The following PAX2 variants were observed in gnomAD, a reference collection of about 807,000 sequenced individuals.
PAX2 encodes paired box protein Pax-2.
PAX2 carries 9 observed loss-of-function variants against 41.7 expected under a neutral mutation model. That is an observed-to-expected ratio of 0.22 (90% CI 0.13 to 0.38). The LOEUF is 0.38. PAX2 is among the 10% of genes least tolerant of loss of function. PAX2 has a pLI of 1.00. For synonymous variants in PAX2, 221 were observed against 212.7 expected (o/e 1.04, Z -0.34); for missense variants, 418 against 531.6 (o/e 0.79, Z 2.10).
Position 100,748,600 on chromosome 10 carries a change from C to A in PAX2, c.44-1146C>A. 1.0e-6 allele frequency: 1 copy of A among 985,422 alleles called. No individual in the cohort carries two copies. The highest frequency in any genetic ancestry group is 1.2e-6 in the Non-Finnish European group (1 of 829,924). 61.0% of individuals were successfully genotyped at this position (985,422 alleles called of 1,614,324 possible). A position where few individuals can be genotyped will look rare whatever the true frequency, so the allele number is the denominator to read the frequency against. On this transcript the variant is annotated intron_variant, in intron 1 of 9. Coordinates refer to ENST00000355243, the MANE Select transcript of PAX2 (RefSeq NM_000278.5). This position sits in a 1 kb window ranked among gnomAD's most constrained non-coding sequence, Gnocchi z 5.0. ...TCAGTACCTGCGGCTACGGGTTGATCGCTCTGGGTGCAGGATTTCTAGACT... is the reference window on the plus strand; with the variant it reads ...TCAGTACCTGCGGCTACGGGTTGATAGCTCTGGGTGCAGGATTTCTAGACT...
At chr10:100,781,608 C>G (rs954649936) in intron 5 of PAX2, among the ~76,000 whole-genome samples, 1 of 152,216 alleles carries the variant, frequency 6.6e-6, no homozygotes, top group Non-Finnish European at 1.5e-5. Context: ...CTCACCCTAT[C>G]GATCCCTGTG....
intron 7 of PAX2, among the ~76,000 whole-genome samples, chr10:100,812,023 C>A (rs2133961735): frequency 6.6e-6 from 1 of 152,332 alleles, no homozygotes; most frequent in South Asian, 2.1e-4. Flanking sequence ...AAGGTCAGGA[C>A]TGAGAGGAGA....
rs140247565 is a variant in PAX2 at position 100,751,300 on chromosome 10, C to T, written c.410+409C>T. 2.4e-4 allele frequency among the ~76,000 whole-genome samples: 37 copies of T among 152,312 alleles called. No individual in the cohort carries two copies. The East Asian group carries it at 5.6e-3, about 23-fold the overall frequency. On this transcript the variant is annotated intron_variant, in intron 3 of 9. Transcript: ENST00000355243. ...AGGCTGCTCCTTCCCCAGGGGCCGC[C>T]GCTTGTCCTGGCTCCCTCACCCTCC...
At chr10:100,740,790 G>A (rs1444491390), upstream of PAX2, among the ~76,000 whole-genome samples, 1 of 144,696 alleles carries the variant, frequency 6.9e-6, no homozygotes. Flanking sequence ...AGGTCCATGG[G>A]TATCTAGGGA....
chr10:100,761,191 C>CTT (rs397967287), intron 3 of PAX2, among the ~76,000 whole-genome samples: 8 of 146,334 alleles, frequency 5.5e-5, no homozygotes, highest in Non-Finnish European at 7.6e-5. Context: ...GGTGTGGTAC[C>CTT]TTTTTTTTTT....
chr10:100,827,818 G>T lies in PAX2; in HGVS notation c.*199G>T. On this transcript the variant is annotated 3_prime_UTR_variant, in exon 10 of 10. Transcript: ENST00000355243. The surrounding 1 kb of genome is among the most constrained non-coding windows in gnomAD (Gnocchi z 8.5). ...GGTCGGACAGGACGGGTGGAGCCGTGGGCGGGACCCTCAGGCCCGGGCCCG... is the reference window on the plus strand; with the variant it reads ...GGTCGGACAGGACGGGTGGAGCCGTTGGCGGGACCCTCAGGCCCGGGCCCG... 1.3e-6 allele frequency: 1 copy of T among 754,162 alleles called. No individual in the cohort carries two copies. The highest frequency in any genetic ancestry group is 2.1e-6 in the Non-Finnish European group (1 of 469,938). 46.7% of individuals were successfully genotyped at this position (754,162 alleles called of 1,614,324 possible). A position where few individuals can be genotyped will look rare whatever the true frequency, so the allele number is the denominator to read the frequency against.
Position 100,763,560 on chromosome 10 carries a change from T to C in PAX2, c.410+12669T>C, listed in dbSNP as rs55980789. Among the ~76,000 whole-genome samples, 1,497 of 152,100 alleles carry C rather than the reference T, an allele frequency of 9.8e-3. 24 individuals are homozygous for C. Among genetic ancestry groups the C allele is most frequent in the African/African-American group, 0.034 (1,418 of 41,466 alleles). ...TGGAACGAGCACAGCTGGTGAGAGG[T>C]TTCCTTCCCCCGAAAGTTGGCCAGG... On this transcript the variant is annotated intron_variant, in intron 3 of 9. Transcript: ENST00000355243.
chr10:100,814,371 A>AAAG lies in PAX2; in HGVS notation c.919+5137_919+5138insGAA, dbSNP rs1235764312. ...CATCTCAAAAAAAAAAAAAAAAAAAAAAAGATCAAAGGAAGTATCAGCTGT... is the reference window on the plus strand; with the variant it reads ...CATCTCAAAAAAAAAAAAAAAAAAAAAAGAAAGATCAAAGGAAGTATCAGCTGT... On this transcript the variant is annotated intron_variant, in intron 7 of 9. Coordinates refer to ENST00000355243, the MANE Select transcript of PAX2 (RefSeq NM_000278.5). Among the ~76,000 whole-genome samples, 9 of 151,722 alleles carry AAAG rather than the reference A, an allele frequency of 5.9e-5. No homozygotes were observed. The South Asian group carries it at 6.3e-4, about 11-fold the overall frequency.
intron 3 of PAX2, among the ~76,000 whole-genome samples, chr10:100,775,730 G>A (rs548553265): frequency 9.8e-5 from 15 of 152,326 alleles, no homozygotes; most frequent in African/African-American, 2.6e-4. Flanking sequence ...CACAGGCCCA[G>A]TGAGCTCACA....
At chr10:100,757,395 C>T (rs879334769) in intron 3 of PAX2, among the ~76,000 whole-genome samples, 14 of 152,216 alleles carry the variant, frequency 9.2e-5, no homozygotes, top group African/African-American at 3.1e-4. Flanking sequence ...CAAATTGGAG[C>T]CACATTTTCC....
intron 6 of PAX2, among the ~76,000 whole-genome samples, chr10:100,808,048 A>G (rs1040162096): frequency 5.3e-5 from 8 of 152,182 alleles, no homozygotes; most frequent in East Asian, 1.9e-4. Flanking sequence ...ATTACAATGA[A>G]TAACCTTTAT....
chr10:100,766,910 A>G (rs1312967680), intron 3 of PAX2, among the ~76,000 whole-genome samples: 2 of 152,236 alleles, frequency 1.3e-5, no homozygotes, highest in Non-Finnish European at 2.9e-5. Flanking sequence ...GGGAAAAAAG[A>G]TGCTGATATG....
chr10:100,786,339 G>A (rs1846859024), intron 5 of PAX2, among the ~76,000 whole-genome samples: 1 of 152,228 alleles, frequency 6.6e-6, no homozygotes, highest in Admixed American at 6.5e-5. Context: ...TTTTAGGTGT[G>A]TATAAATAAA....
At chr10:100,766,998 T>C (rs1189235728) in intron 3 of PAX2, among the ~76,000 whole-genome samples, 1 of 152,226 alleles carries the variant, frequency 6.6e-6, no homozygotes, top group Admixed American at 6.5e-5. Context: ...AACTCAGTGT[T>C]ACACAAAGTG....
chr10:100,817,234 A>G (rs1385651241), intron 7 of PAX2, among the ~76,000 whole-genome samples: 3 of 152,204 alleles, frequency 2.0e-5, no homozygotes, highest in Non-Finnish European at 4.4e-5. Flanking sequence ...GAAGTTGCCA[A>G]CTGGGAAGAG....
chr10:100,827,777 C>A lies in PAX2; in HGVS notation c.*158C>A. On this transcript the variant is annotated 3_prime_UTR_variant, in exon 10 of 10. Coordinates refer to ENST00000355243, the MANE Select transcript of PAX2 (RefSeq NM_000278.5). The surrounding 1 kb of genome is among the most constrained non-coding windows in gnomAD (Gnocchi z 8.5). ...ATCCCACGACCCCCGCAACCCTTCA[C>A]ATCACCCCCCTCGAAGGTCGGACAG... 9.0e-7 allele frequency: 1 copy of A among 1,108,942 alleles called. No individual in the cohort carries two copies. Among genetic ancestry groups the A allele is most frequent in the Non-Finnish European group, 1.3e-6 (1 of 746,942 alleles). The allele number at this position is 1,108,942 out of a possible 1,614,324, so 68.7% of individuals were successfully genotyped here. A position where few individuals can be genotyped will look rare whatever the true frequency, so the allele number is the denominator to read the frequency against.
upstream of PAX2, among the ~76,000 whole-genome samples, chr10:100,742,457 G>C (rs958915475): frequency 7.9e-5 from 12 of 151,578 alleles, no homozygotes; most frequent in Admixed American, 2.6e-4. Context: ...GCGGAGGCAA[G>C]GTTGGGGGCC....
At chr10:100,749,011 C>T (rs959212759) in intron 1 of PAX2, 1 of 985,428 alleles carries the variant, frequency 1.0e-6, no homozygotes, top group Non-Finnish European at 1.2e-6. Context: ...TGTCTCTGAG[C>T]GCAGCAGACC....
intron 3 of PAX2, among the ~76,000 whole-genome samples, chr10:100,751,595 C>G (rs1845445887): frequency 6.6e-6 from 1 of 152,182 alleles, no homozygotes; most frequent in South Asian, 2.1e-4. Flanking sequence ...ATGACAGGCT[C>G]ACACACGTGA....
Sources: gnomAD v4.1 joint callset for allele counts (sites outside exome capture counted in the v4.1 genomes callset) on GRCh38, gnomAD v4.1.1 for gene constraint, Gnocchi (gnomAD v3.1) non-coding constraint, MANE v1.5 for transcripts, NCBI Gene and HGNC (gene_info 2026-07-23, HGNC 2026-07-21) for gene names.